Variants in WWP1 observed in about 807,000 individuals in gnomAD.
The protein encoded by WWP1 is WW domain containing E3 ubiquitin protein ligase 1.
In WWP1, 49 loss-of-function variants were observed where a neutral mutation model predicts 130.6. That is an observed-to-expected ratio of 0.38 (90% CI 0.30 to 0.48). The LOEUF is 0.48. Among genes scored for constraint, WWP1 ranks in the 20% least tolerant of loss-of-function variants. WWP1 has a pLI of 0.99. For synonymous variants in WWP1, 332 were observed against 367.8 expected, an observed-to-expected ratio of 0.90 and a Z score of 1.11; for missense variants, 809 against 1,100.6, an observed-to-expected ratio of 0.74 and a Z score of 3.75.
At chr8:86,411,513 G>T (rs755045351) in intron 8 of WWP1, 25 bp from the exon 9 acceptor site, 5 of 1,586,742 alleles carry the variant, frequency 3.2e-6, no homozygotes, top group South Asian at 1.1e-5. Context: ...CTTGATAGAT[G>T]ATTTTATTAA....
chr8:86,388,673 C>A (rs1825430433), intron 5 of WWP1, among the ~76,000 whole-genome samples: 1 of 151,960 alleles, frequency 6.6e-6, no homozygotes, highest in Non-Finnish European at 1.5e-5. Flanking sequence ...TTGAAATTTT[C>A]ATGTTTTCCA....
intron 1 of WWP1, among the ~76,000 whole-genome samples, chr8:86,344,141 A>C (rs1034364902): frequency 6.6e-6 from 1 of 152,216 alleles, no homozygotes; most frequent in Admixed American, 6.5e-5. Context: ...ATCATTTTTC[A>C]TAAATGGTTA....
rs978072015 is a variant in WWP1 at position 86,371,407 on chromosome 8, A to G, written c.-22+2376A>G. Among the ~76,000 whole-genome samples, 8 of 152,332 alleles carry G rather than the reference A, an allele frequency of 5.3e-5. 1 individual carries two copies. The Middle Eastern group carries it at 0.01, about 194-fold the overall frequency. The stretch of plus-strand genomic sequence containing the variant: ...TACAAATGTTTAGCTTTAAATGATA[A>G]TGCCAAATTATTTTCCAACAGGATT... On this transcript the variant is annotated intron_variant, in intron 2 of 24. Coordinates refer to ENST00000517970, the MANE Select transcript of WWP1 (RefSeq NM_007013.4).
chr8:86,427,936 T>A (rs1809725552), intron 11 of WWP1, 119 bp downstream of exon 11: 1 of 907,748 alleles, frequency 1.1e-6, no homozygotes, highest in Non-Finnish European at 1.6e-6. Flanking sequence ...TCAGAAATGG[T>A]ATAGACTGTG....
At chr8:86,415,132 C>T (rs1808821058) in intron 9 of WWP1, among the ~76,000 whole-genome samples, 2 of 152,070 alleles carry the variant, frequency 1.3e-5, no homozygotes, top group South Asian at 2.1e-4. Flanking sequence ...ATGCCAAGCA[C>T]GATTTTGCCT....
At chr8:86,359,776 G>A (rs372347078) in intron 1 of WWP1, among the ~76,000 whole-genome samples, 3 of 152,000 alleles carry the variant, frequency 2.0e-5, no homozygotes, top group African/African-American at 7.3e-5. Flanking sequence ...CTCGGCGGGC[G>A]CAGTGGCTCA....
At chr8:86,442,559 G>A in intron 17 of WWP1, 60 bp from the exon 18 acceptor site, 1 of 1,433,634 alleles carries the variant, frequency 7.0e-7, no homozygotes, top group Non-Finnish European at 9.4e-7. Context: ...ATATATTTAA[G>A]ATCTGTTTTT....
At chr8:86,456,328 C>T (rs1811441125) in intron 21 of WWP1, among the ~76,000 whole-genome samples, 1 of 151,854 alleles carries the variant, frequency 6.6e-6, no homozygotes, top group Non-Finnish European at 1.5e-5. Context: ...AAGCAACCTA[C>T]ACCCTGGGAG....
chr8:86,459,981 G>A (rs925645971), intron 22 of WWP1, among the ~76,000 whole-genome samples: 1 of 152,170 alleles, frequency 6.6e-6, no homozygotes, highest in Non-Finnish European at 1.5e-5. Context: ...GTCATGATTA[G>A]CACAGCTATT....
intron 24 of WWP1, among the ~76,000 whole-genome samples, chr8:86,463,092 T>G (rs72690408): frequency 6.3e-4 from 96 of 152,268 alleles, no homozygotes; most frequent in Non-Finnish European, 1.2e-3. Flanking sequence ...CTGAACTAGC[T>G]TGCTTTCTTT....
intron 21 of WWP1, among the ~76,000 whole-genome samples, chr8:86,455,124 T>C (rs560325029): frequency 6.6e-6 from 1 of 152,156 alleles, no homozygotes; most frequent in South Asian, 2.1e-4. Flanking sequence ...GAAGATACAG[T>C]AGTCATTCTT....
intron 24 of WWP1, among the ~76,000 whole-genome samples, chr8:86,465,366 G>A (rs13251647): frequency 0.69 from 104,162 of 152,036 alleles, 37,279 homozygotes; most frequent in African/African-American, 0.9. Flanking sequence ...GATGGTCCAG[G>A]TAAGAGATGA....
At chr8:86,400,487 C>A (rs1807914752) in intron 7 of WWP1, among the ~76,000 whole-genome samples, 1 of 152,100 alleles carries the variant, frequency 6.6e-6, no homozygotes, top group South Asian at 2.1e-4. Context: ...AAGGAATCAT[C>A]TCTGAGGAGG....
At chr8:86,455,256 T>C (rs749365748) in intron 21 of WWP1, among the ~76,000 whole-genome samples, 6 of 152,086 alleles carry the variant, frequency 3.9e-5, no homozygotes, top group East Asian at 1.9e-4. Flanking sequence ...AAGTTTCCCA[T>C]TGAGTTTGGG....
At chr8:86,349,892 A>T (rs1303880038) in intron 1 of WWP1, among the ~76,000 whole-genome samples, 1 of 151,978 alleles carries the variant, frequency 6.6e-6, no homozygotes, top group African/African-American at 2.4e-5. Flanking sequence ...AGATGGGCAG[A>T]GATCGATTCC....
intron 9 of WWP1, among the ~76,000 whole-genome samples, chr8:86,418,077 A>G (rs1808988056): frequency 6.6e-6 from 1 of 152,204 alleles, no homozygotes; most frequent in Admixed American, 6.5e-5. Context: ...CATAAATAGA[A>G]TCATACTGTA....
intron 2 of WWP1, among the ~76,000 whole-genome samples, chr8:86,371,841 A>T (rs1198810371): frequency 6.6e-6 from 1 of 150,998 alleles, no homozygotes; most frequent in Non-Finnish European, 1.5e-5. Flanking sequence ...CAAAATATTC[A>T]CCCTTTTTTT....
At chr8:86,439,497 A>C (rs2130713112) in intron 17 of WWP1, among the ~76,000 whole-genome samples, 1 of 152,246 alleles carries the variant, frequency 6.6e-6, no homozygotes, top group East Asian at 1.9e-4. Context: ...ACTCAGTCTG[A>C]ATATTTTCTT....
intron 1 of WWP1, among the ~76,000 whole-genome samples, chr8:86,358,572 C>G (rs1823387801): frequency 6.6e-6 from 1 of 151,604 alleles, no homozygotes; most frequent in Admixed American, 6.6e-5. Flanking sequence ...GCCTCAAGTT[C>G]CCCAGGCTCA....
Sources: gnomAD v4.1 joint callset for allele counts (sites outside exome capture counted in the v4.1 genomes callset) on GRCh38, gnomAD v4.1.1 for gene constraint, MANE v1.5 for transcripts, NCBI Gene and HGNC (gene_info 2026-07-23, HGNC 2026-07-21) for gene names.